EDIL3: variants seen among roughly 807,000 people sequenced by gnomAD.
The protein encoded by EDIL3 is EGF-like repeat and discoidin I-like domain-containing protein 3.
Under a neutral mutation model 67.4 loss-of-function variants are expected in EDIL3, and 37 were observed. The observed-to-expected ratio is 0.55, with a 90% CI of 0.42 to 0.72. The LOEUF is 0.72. Ranked by LOEUF, EDIL3 falls within the 30% of genes least tolerant of loss-of-function variation. The probability of loss-of-function intolerance (pLI) is 0.00; values close to 1 mark genes in which losing one functional copy is unlikely to be tolerated. For synonymous variants in EDIL3, 195 were observed against 196.3 expected (o/e 0.99, Z 0.05); for missense variants, 527 against 586.3 (o/e 0.90, Z 1.04).
In EDIL3 at chr5:84,007,258, C is replaced by T. The variant is rs542357227; in HGVS notation, c.1138-43898G>A. ...ACCCCACAAGTACATGTAACCAAAGCAAAAGTGGACAAATTGGATCCCATT... is the reference window on the plus strand; with the variant it reads ...ACCCCACAAGTACATGTAACCAAAGTAAAAGTGGACAAATTGGATCCCATT... On this transcript the variant is annotated intron_variant, in intron 9 of 10. Coordinates refer to ENST00000296591, the MANE Select transcript of EDIL3 (RefSeq NM_005711.5). Among the ~76,000 whole-genome samples, 3 of 152,126 alleles carry T rather than the reference C, an allele frequency of 2.0e-5. No homozygotes were observed. The South Asian group carries it at 6.2e-4, about 32-fold the overall frequency.
intron 9 of EDIL3, among the ~76,000 whole-genome samples, chr5:83,993,565 C>T (rs1408433225): frequency 2.0e-5 from 3 of 152,152 alleles, no homozygotes; most frequent in Admixed American, 2.0e-4. Flanking sequence ...CTTACCTTTG[C>T]TCTATAAATG....
chr5:84,338,683 C>T (rs902533672), intron 1 of EDIL3, among the ~76,000 whole-genome samples: 13 of 152,182 alleles, frequency 8.5e-5, no homozygotes, highest in African/African-American at 3.1e-4. Flanking sequence ...CACTTTCATA[C>T]ATTGTGAAGT....
chr5:84,033,845 T>C (rs1000321257), intron 9 of EDIL3, among the ~76,000 whole-genome samples: 2 of 152,110 alleles, frequency 1.3e-5, no homozygotes, highest in Non-Finnish European at 2.9e-5. Context: ...GTGGGATATA[T>C]TAAGTTAGTG....
intron 9 of EDIL3, among the ~76,000 whole-genome samples, chr5:83,972,759 G>A (rs995271040): frequency 6.6e-6 from 1 of 151,864 alleles, no homozygotes; most frequent in Non-Finnish European, 1.5e-5. Context: ...TTATTAACAA[G>A]CACATTTGGA....
intron 1 of EDIL3, among the ~76,000 whole-genome samples, chr5:84,355,578 A>G (rs1747463884): frequency 6.6e-6 from 1 of 151,812 alleles, no homozygotes; most frequent in Non-Finnish European, 1.5e-5. Context: ...CTGGAGGTCC[A>G]CTCCAGACCC....
chr5:83,995,146 G>GCACACA (rs1248301212), intron 9 of EDIL3, among the ~76,000 whole-genome samples: 11 of 88,968 alleles, frequency 1.2e-4, no homozygotes, highest in South Asian at 1.1e-3. Flanking sequence ...GTATACACAC[G>GCACACA]CACACACACA....
At chr5:84,081,756 G>GAA (rs141409886) in intron 6 of EDIL3, among the ~76,000 whole-genome samples, 1 of 149,074 alleles carries the variant, frequency 6.7e-6, no homozygotes, top group East Asian at 2.0e-4. Flanking sequence ...TCAACCAAAA[G>GAA]AAAAAAAAAC....
intron 5 of EDIL3, among the ~76,000 whole-genome samples, chr5:84,111,263 TA>T (rs1373988989): frequency 6.6e-6 from 1 of 152,206 alleles, no homozygotes; most frequent in Non-Finnish European, 1.5e-5. Flanking sequence ...GGTAGTTCTT[TA>T]TAACAATGTG....
intron 5 of EDIL3, among the ~76,000 whole-genome samples, chr5:84,107,340 G>A (rs1437495653): frequency 2.0e-5 from 3 of 151,464 alleles, no homozygotes; most frequent in African/African-American, 7.3e-5. Context: ...CATCAGTTAT[G>A]CTTCCACAAC....
chr5:84,015,843 A>T (rs1306274844), intron 9 of EDIL3, among the ~76,000 whole-genome samples: 1 of 152,182 alleles, frequency 6.6e-6, no homozygotes, highest in East Asian at 1.9e-4. Context: ...TTATGGCAAT[A>T]TCCCTTAGAG....
chr5:84,333,859 GA>G (rs1394465656), intron 1 of EDIL3, among the ~76,000 whole-genome samples: 3 of 152,132 alleles, frequency 2.0e-5, no homozygotes, highest in South Asian at 2.1e-4. Context: ...ACAGAATAGA[GA>G]AAAATCAAAG....
chr5:84,045,941 A>C (rs1746215376), intron 9 of EDIL3, among the ~76,000 whole-genome samples: 1 of 152,202 alleles, frequency 6.6e-6, no homozygotes, highest in Admixed American at 6.5e-5. Context: ...GCTTTGAGGA[A>C]ATATTACAAA....
chr5:84,159,368 T>A (rs748569343), intron 4 of EDIL3, among the ~76,000 whole-genome samples: 32 of 152,056 alleles, frequency 2.1e-4, no homozygotes, highest in Non-Finnish European at 3.8e-4. Flanking sequence ...AGTGTGTAGG[T>A]AGAAAATGGT....
intron 10 of EDIL3, among the ~76,000 whole-genome samples, chr5:83,946,942 T>C (rs1561381949): frequency 6.6e-6 from 1 of 151,928 alleles, no homozygotes; most frequent in Non-Finnish European, 1.5e-5. Flanking sequence ...TGTTCTAACT[T>C]TTTGGAATTG....
chr5:84,087,232 A>G (rs1412954541), intron 6 of EDIL3, among the ~76,000 whole-genome samples: 1 of 152,240 alleles, frequency 6.6e-6, no homozygotes, highest in African/African-American at 2.4e-5. Context: ...TATGGCCAAT[A>G]CATGACTAAA....
intron 1 of EDIL3, among the ~76,000 whole-genome samples, chr5:84,371,469 AG>A (rs1297424531): frequency 1.9e-4 from 28 of 147,798 alleles, no homozygotes; most frequent in African/African-American, 5.7e-4. Context: ...AGAGAGAGAG[AG>A]AGAGAGAAAG....
chr5:83,944,691 G>T (rs1444103633), intron 10 of EDIL3, among the ~76,000 whole-genome samples: 2 of 151,652 alleles, frequency 1.3e-5, no homozygotes, highest in Non-Finnish European at 2.9e-5. Context: ...TTTAGATTTA[G>T]TTTAGATTTT....
intron 6 of EDIL3, among the ~76,000 whole-genome samples, chr5:84,075,415 G>T (rs918267720): frequency 3.9e-5 from 6 of 152,204 alleles, no homozygotes; most frequent in Non-Finnish European, 8.8e-5. Context: ...TCACAGGAAG[G>T]TGATAATCTG....
intron 1 of EDIL3, among the ~76,000 whole-genome samples, chr5:84,346,125 CT>C (rs1168130338): frequency 6.4e-5 from 8 of 125,110 alleles, no homozygotes; most frequent in East Asian, 2.1e-4. Context: ...AGTCATCAAA[CT>C]TTTTTTTTCT....
Sources: allele counts gnomAD v4.1 joint callset (sites outside exome capture counted in the v4.1 genomes callset), GRCh38; gene constraint gnomAD v4.1.1; transcripts MANE v1.5; gene names NCBI Gene and HGNC (gene_info 2026-07-23, HGNC 2026-07-21).